Variants in INSC observed in about 807,000 individuals in gnomAD.
The protein encoded by INSC is protein inscuteable homolog.
INSC carries 67 observed loss-of-function variants against 58.6 expected under a neutral mutation model. The ratio of observed to expected loss-of-function variants is 1.14; its 90% CI spans 0.94 to 1.40. The LOEUF (loss-of-function observed/expected upper bound fraction) is 1.40. INSC is among the 40% of genes most tolerant of loss of function. The pLI, the probability that INSC is intolerant of heterozygous loss-of-function variation, is 0.00. For synonymous variants in INSC, 262 were observed against 276.1 expected, an observed-to-expected ratio of 0.95 and a Z score of 0.51; for missense variants, 714 against 692.0, an observed-to-expected ratio of 1.03 and a Z score of -0.36.
chr11:15,267,959 GAT>G, the INSC span, among the ~76,000 whole-genome samples: 1 of 152,086 alleles, frequency 6.6e-6, no homozygotes, highest in African/African-American at 2.4e-5. Context: ...TCTCATCACT[GAT>G]AATCTGCCCT....
intron 11 of INSC, among the ~76,000 whole-genome samples, chr11:15,239,514 C>T (rs889060957): frequency 6.6e-6 from 1 of 152,198 alleles, no homozygotes; most frequent in South Asian, 2.1e-4. Flanking sequence ...CACCCATTAA[C>T]ATGCTCATTC....
intron 2 of INSC, among the ~76,000 whole-genome samples, chr11:15,166,710 A>G (rs1245384085): frequency 1.3e-5 from 2 of 152,196 alleles, no homozygotes; most frequent in Non-Finnish European, 2.9e-5. Context: ...ATTCGATTAC[A>G]TATTTATTGA....
chr11:15,245,369 C>T (rs1279906647), intron 12 of INSC, among the ~76,000 whole-genome samples: 5 of 152,154 alleles, frequency 3.3e-5, no homozygotes, highest in African/African-American at 1.2e-4. Context: ...AGCAAGGACA[C>T]ATGGACACAA....
At chr11:15,184,430 T>A (rs1488088441) in intron 5 of INSC, 1 of 195,874 alleles carries the variant, frequency 5.1e-6, no homozygotes, top group Non-Finnish European at 1.1e-5. Context: ...GGAGTCTCAC[T>A]CTGTCACCAG....
At chr11:15,162,360 G>A (rs936948354) in intron 2 of INSC, among the ~76,000 whole-genome samples, 12 of 152,094 alleles carry the variant, frequency 7.9e-5, no homozygotes, top group Non-Finnish European at 1.5e-4. Context: ...GGCTCTGACC[G>A]CCTGCAATGG....
rs757611636 is a variant in INSC, at chr11:15,190,786, G to A, written c.665G>A (p.Gly222Glu). 19 of 1,613,610 alleles carry A rather than the reference G, an allele frequency of 1.2e-5. 3 individuals are homozygous for A. The South Asian group carries it at 1.5e-4, about 13-fold the overall frequency. ...AACCTGTTCAGCCTGACCCAGGAGG[G>A]GGCTCCCTTGTGCCGCATCATAGCC... The part of the protein sequence containing the change: ...TGNLFSLTQE[G>E]APLCRIIAKE... The change falls in exon 6 of 13, where the codon GGG (glycine) becomes GAG (glutamate). Residue 222 changes from glycine to glutamate, a missense_variant. Gly to Glu is a moderately conservative substitution (Grantham distance 98). Transcript: ENST00000379556.
Position 15,115,666 on chromosome 11 carries a change from G to A in INSC, c.-46+663G>A, listed in dbSNP as rs115824206. Among the ~76,000 whole-genome samples the A allele has an allele frequency of 7.7e-3, 1,173 of 152,248 alleles. 15 individuals carry two copies. The highest frequency in any genetic ancestry group is 0.027 in the African/African-American group (1,122 of 41,544). On this transcript the variant is annotated intron_variant, in intron 1 of 12. Transcript: ENST00000379556. ...CAGGAGAAGAGACAGGAGGCCAGGG[G>A]ATGAGTGGACCATATGGCCATGGCC...
chr11:15,263,579 T>C, the INSC span, among the ~76,000 whole-genome samples: 1 of 152,140 alleles, frequency 6.6e-6, no homozygotes, highest in Admixed American at 6.6e-5. Flanking sequence ...TGTCAATGTA[T>C]CGTACATTCA....
chr11:15,131,304 A>ATATACAAC (rs1470849324), intron 1 of INSC, among the ~76,000 whole-genome samples: 1 of 152,106 alleles, frequency 6.6e-6, no homozygotes, highest in Non-Finnish European at 1.5e-5. Flanking sequence ...ATGTTTAAAA[A>ATATACAAC]TATACAACTG....
At position 15,240,447 on chromosome 11, in the gene INSC, G is replaced by T. The variant is rs949505051; in HGVS notation, c.1394G>T (p.Cys465Phe). Reference sequence around the variant, plus strand: ...GAGGCTCTCCCTGTGTCTCCTACAGGCATGTCCCGTCTCATCGAGCTCTGC... The same window carrying T: ...GAGGCTCTCCCTGTGTCTCCTACAGTCATGTCCCGTCTCATCGAGCTCTGC... ...DVAREAVRLS[C>F]MSRLIELCRS... Residue 465 changes from cysteine to phenylalanine, a missense_variant and splice_region_variant, in exon 12 of 13, where the codon TGC becomes TTC. Cys to Phe is a radical substitution (Grantham distance 205, BLOSUM62 -2). Coordinates refer to ENST00000379556, the MANE Select transcript of INSC (RefSeq NM_001042536.3). 4.3e-6 allele frequency: 7 copies of T among 1,613,564 alleles called. No individual in the cohort carries two copies. Among genetic ancestry groups the T allele is most frequent in the Non-Finnish European group, 2.5e-6 (3 of 1,179,812 alleles).
chr11:15,132,453 C>A (rs1046266988), intron 1 of INSC, among the ~76,000 whole-genome samples: 1 of 152,014 alleles, frequency 6.6e-6, no homozygotes. Flanking sequence ...ACTCAGCTAA[C>A]TTTTTAAATT....
chr11:15,255,240 T>G, the INSC span, among the ~76,000 whole-genome samples: 1 of 152,068 alleles, frequency 6.6e-6, no homozygotes, highest in African/African-American at 2.4e-5. Context: ...AATTCCAAAC[T>G]CTATTTGAAA....
intron 1 of INSC, 50 bp downstream of exon 1, chr11:15,115,053 G>T (rs955670506): frequency 4.7e-5 from 46 of 968,976 alleles, no homozygotes; most frequent in Admixed American, 6.2e-5. Context: ...TGATGCCTCT[G>T]CTAGCCTAGT....
At chr11:15,174,849 C>T (rs930350737) in intron 2 of INSC, among the ~76,000 whole-genome samples, 1 of 152,194 alleles carries the variant, frequency 6.6e-6, no homozygotes, top group African/African-American at 2.4e-5. Flanking sequence ...TTAACATCTT[C>T]ATATCTGCTT....
intron 7 of INSC, among the ~76,000 whole-genome samples, chr11:15,204,951 A>T (rs1343839087): frequency 6.6e-6 from 1 of 152,178 alleles, no homozygotes; most frequent in Non-Finnish European, 1.5e-5. Flanking sequence ...CACTGCATCC[A>T]TCCCAATTGC....
At chr11:15,261,039 G>A in the INSC span, among the ~76,000 whole-genome samples, 1 of 152,176 alleles carries the variant, frequency 6.6e-6, no homozygotes, top group Admixed American at 6.6e-5. Context: ...AATTGATAGT[G>A]TGTTCTTGCA....
chr11:15,233,044 C>G (rs551363285), intron 9 of INSC, among the ~76,000 whole-genome samples: 2 of 152,160 alleles, frequency 1.3e-5, no homozygotes, highest in African/African-American at 4.8e-5. Flanking sequence ...AATGAATACA[C>G]CAAGCCACAG....
At chr11:15,215,590 C>T (rs1438810087) in intron 7 of INSC, among the ~76,000 whole-genome samples, 2 of 152,214 alleles carry the variant, frequency 1.3e-5, no homozygotes, top group African/African-American at 4.8e-5. Context: ...TCATCTCCTC[C>T]CTGGGCCTCC....
At chr11:15,145,260 G>C (rs1380815510) in intron 1 of INSC, among the ~76,000 whole-genome samples, 1 of 152,188 alleles carries the variant, frequency 6.6e-6, no homozygotes, top group Non-Finnish European at 1.5e-5. Context: ...CACATTTTCC[G>C]TGGGTTGGCA....
Sources: gnomAD v4.1 joint callset for allele counts (sites outside exome capture counted in the v4.1 genomes callset) on GRCh38, gnomAD v4.1.1 for gene constraint, MANE v1.5 for transcripts, NCBI Gene and HGNC (gene_info 2026-07-23, HGNC 2026-07-21) for gene names.